The following USP10 variants were observed in gnomAD, a reference collection of about 807,000 sequenced individuals.
USP10 encodes the protein ubiquitin specific peptidase 10, also known as ubiquitin carboxyl-terminal hydrolase 10.
In USP10, 22 loss-of-function variants were observed where a neutral mutation model predicts 84.5. The observed-to-expected ratio is 0.26, with a 90% CI of 0.19 to 0.37. The LOEUF (loss-of-function observed/expected upper bound fraction) is 0.37. Among genes scored for constraint, USP10 ranks in the 10% least tolerant of loss-of-function variants. The pLI is 1.00. For missense variants in USP10, 1,019 were observed against 998.9 expected (o/e 1.02, Z -0.27); for synonymous variants, 454 against 387.6 (o/e 1.17, Z -2.01).
At chr16:84,757,399 GGGGGTGTGTGTGT>G (rs1912691613) in intron 4 of USP10, among the ~76,000 whole-genome samples, 30 of 70,434 alleles carry the variant, frequency 4.3e-4, no homozygotes, top group Admixed American at 9.7e-4. Context: ...TGAGAGGGGT[GGGGGTGTGTGTGT>G]GTGTGTGTGT....
chr16:84,737,262 G>T (rs1477412161), intron 2 of USP10, among the ~76,000 whole-genome samples: 1 of 152,226 alleles, frequency 6.6e-6, no homozygotes, highest in South Asian at 2.1e-4. Context: ...CACACTGTGC[G>T]TTTAGCATAA....
chr16:84,715,156 C>T (rs1031717717), intron 1 of USP10, among the ~76,000 whole-genome samples: 3 of 152,128 alleles, frequency 2.0e-5, no homozygotes, highest in African/African-American at 7.2e-5. Context: ...TCTCGACCTC[C>T]TGACCTCAAG....
chr16:84,745,016 G>T lies in USP10; in HGVS notation c.535G>T (p.Gly179Cys). 3 of 1,613,838 alleles carry T rather than the reference G, an allele frequency of 1.9e-6. No individual in the cohort carries two copies. Among genetic ancestry groups the T allele is most frequent in the Non-Finnish European group, 2.5e-6 (3 of 1,179,726 alleles). ...DSISTEALVN[G>C]HANSAVPNSV... The stretch of plus-strand genomic sequence containing the variant: ...TATCTCCACAGAAGCCCTGGTCAAT[G>T]GCCATGCCAATTCAGCAGTCCCGAA... The change falls in exon 4 of 14, where the codon GGC becomes TGC. Residue 179 changes from glycine to cysteine, a missense_variant. Around this residue, in one of 2 missense-constraint regions of USP10, gnomAD observed 787 missense variants for 708.8 expected, o/e 1.11. Coordinates refer to ENST00000219473, the MANE Select transcript of USP10 (RefSeq NM_005153.3).
In USP10 at chr16:84,744,987, A is replaced by G. The variant is rs1276715289; in HGVS notation, c.506A>G (p.Asp169Gly). The change falls in exon 4 of 14, where the codon GAT becomes GGT. Residue 169 changes from aspartate to glycine, a missense_variant. Around this residue, in one of 2 missense-constraint regions of USP10, gnomAD observed 787 missense variants for 708.8 expected, o/e 1.11. Coordinates refer to ENST00000219473, the MANE Select transcript of USP10 (RefSeq NM_005153.3). ...YYSYLKDGGDDSISTEALVNG... is the reference protein window; with the variant it reads ...YYSYLKDGGDGSISTEALVNG... ...AGCTATTTGAAAGATGGTGGCGATGATAGTATCTCCACAGAAGCCCTGGTC... is the reference window on the plus strand; with the variant it reads ...AGCTATTTGAAAGATGGTGGCGATGGTAGTATCTCCACAGAAGCCCTGGTC... 41 of 1,613,728 alleles carry G rather than the reference A, an allele frequency of 2.5e-5. No individual in the cohort carries two copies. Among genetic ancestry groups the G allele is most frequent in the African/African-American group, 2.7e-5 (2 of 74,936 alleles).
intron 11 of USP10, 126 bp from the exon 12 acceptor site, chr16:84,772,415 T>C (rs1914550236): frequency 1.5e-6 from 2 of 1,326,138 alleles, no homozygotes; most frequent in African/African-American, 1.5e-5. Context: ...GGAAAAGCCA[T>C]GAAGTCCTGC....
chr16:84,748,153 CAAAAAAAAAA>C (rs1169089505), intron 4 of USP10, among the ~76,000 whole-genome samples: 17 of 51,166 alleles, frequency 3.3e-4, no homozygotes, highest in African/African-American at 1.1e-3. Flanking sequence ...GACTCCATCT[CAAAAAAAAAA>C]AAAAAAAAAA....
chr16:84,768,234 T>C lies in USP10; in HGVS notation c.1874T>C (p.Leu625Ser). 1.9e-6 allele frequency: 3 copies of C among 1,601,740 alleles called. No individual in the cohort carries two copies. Among genetic ancestry groups the C allele is most frequent in the Non-Finnish European group, 2.6e-6 (3 of 1,173,344 alleles). ...CAGAGTTCAAAAGAATCTGCCACTT[T>C]GCAGCCATTTTTCACGTTGCAGTTG... ...YQQSSKESATLQPFFTLQLDI... is the reference protein window; with the variant it reads ...YQQSSKESATSQPFFTLQLDI... The change falls in exon 11 of 14, where the codon TTG becomes TCG. Residue 625 changes from leucine (L) to serine (S), a missense_variant. This residue lies in a region of USP10 where 232 missense variants were observed against 290.1 expected (regional missense o/e 0.80). Transcript: ENST00000219473.
intron 4 of USP10, among the ~76,000 whole-genome samples, chr16:84,750,631 C>T (rs1179357584): frequency 6.6e-6 from 1 of 152,168 alleles, no homozygotes; most frequent in Non-Finnish European, 1.5e-5. Context: ...AAGGAACATT[C>T]CTCATATACT....
At chr16:84,717,848 G>A (rs1222163787) in intron 1 of USP10, among the ~76,000 whole-genome samples, 1 of 152,170 alleles carries the variant, frequency 6.6e-6, no homozygotes, top group Admixed American at 6.5e-5. Context: ...TTACTGTAAT[G>A]CTTAATTTAA....
chr16:84,777,937 G>T (rs1915183360), intron 13 of USP10, among the ~76,000 whole-genome samples: 1 of 152,234 alleles, frequency 6.6e-6, no homozygotes, highest in Non-Finnish European at 1.5e-5. Context: ...GGTGTCTGCT[G>T]CTGGCCAGGC....
At chr16:84,762,910 A>T in intron 8 of USP10, 79 bp from the exon 9 acceptor site, 1 of 789,288 alleles carries the variant, frequency 1.3e-6, no homozygotes, top group African/African-American at 1.7e-5. Context: ...GCATGGTTGG[A>T]CTTTGCAAGT....
At chr16:84,759,806 A>T in intron 6 of USP10, 85 bp from the exon 7 acceptor site, 1 of 1,340,588 alleles carries the variant, frequency 7.5e-7, no homozygotes, top group Non-Finnish European at 1.1e-6. Context: ...CGTATAGCTG[A>T]TATTCTACTT....
At chr16:84,777,968 C>T (rs979685662) in intron 13 of USP10, among the ~76,000 whole-genome samples, 1 of 152,200 alleles carries the variant, frequency 6.6e-6, no homozygotes, top group African/African-American at 2.4e-5. Context: ...CCCTCTGCTC[C>T]ATAGAAGTGG....
rs1184680914 is a variant in USP10, at chr16:84,778,883, G to A, written c.2210-12G>A. ...CTGTTCTCACTCTGCTGCCTGCTGGGCTCTCTTCCAGTGGTCTACCATCAC... is the reference window on the plus strand; with the variant it reads ...CTGTTCTCACTCTGCTGCCTGCTGGACTCTCTTCCAGTGGTCTACCATCAC... On this transcript the variant is annotated splice_polypyrimidine_tract_variant and intron_variant, in intron 13 of 13. Transcript: ENST00000219473. 2.2e-5 allele frequency: 36 copies of A among 1,610,288 alleles called. No homozygotes were observed. Among genetic ancestry groups the A allele is most frequent in the Non-Finnish European group, 2.9e-5 (34 of 1,177,700 alleles).
At chr16:84,759,975 A>C in intron 7 of USP10, 29 bp downstream of exon 7, 2 of 1,611,226 alleles carry the variant, frequency 1.2e-6, no homozygotes, top group Non-Finnish European at 1.7e-6. Flanking sequence ...TGTTGATGCT[A>C]TTACATATTG....
At chr16:84,748,715 GT>G (rs1407983298) in intron 4 of USP10, among the ~76,000 whole-genome samples, 4 of 152,136 alleles carry the variant, frequency 2.6e-5, no homozygotes, top group African/African-American at 9.7e-5. Flanking sequence ...CATTTAAAAT[GT>G]TTTAGAACAT....
Position 84,772,616 on chromosome 16 carries a change from G to A in USP10, c.2074G>A (p.Glu692Lys), listed in dbSNP as rs772458989. The A allele has an allele frequency of 6.2e-7, 1 of 1,613,902 alleles. No homozygotes were observed. Among genetic ancestry groups the A allele is most frequent in the African/African-American group, 1.3e-5 (1 of 74,928 alleles). ...LVLHLKRFVY[E>K]KTGGCQKLIK... ...GCTGCACCTGAAACGATTCGTTTATGAGAAGACTGGTGGGTGCCAGAAGCT... is the reference window on the plus strand; with the variant it reads ...GCTGCACCTGAAACGATTCGTTTATAAGAAGACTGGTGGGTGCCAGAAGCT... Residue 692 changes from glutamate (E) to lysine (K), a missense_variant, in exon 12 of 14, where the codon GAG (glutamate) becomes AAG (lysine). Around this residue, in one of 2 missense-constraint regions of USP10, gnomAD observed 232 missense variants for 290.1 expected, o/e 0.80. Transcript: ENST00000219473.
chr16:84,747,856 C>T (rs1265060096), intron 4 of USP10, among the ~76,000 whole-genome samples: 4 of 151,860 alleles, frequency 2.6e-5, no homozygotes, highest in East Asian at 1.9e-4. Context: ...TGTGGGCCAC[C>T]GCACTCAGGC....
chr16:84,713,136 T>C (rs1184988805), intron 1 of USP10, among the ~76,000 whole-genome samples: 1 of 152,228 alleles, frequency 6.6e-6, no homozygotes, highest in East Asian at 1.9e-4. Flanking sequence ...ACAGTTAGTT[T>C]ATCTTTCCCC....
Sources: allele counts gnomAD v4.1 joint callset (sites outside exome capture counted in the v4.1 genomes callset), GRCh38; gene constraint gnomAD v4.1.1; regional missense constraint gnomAD v4.1.1; transcripts MANE v1.5; gene names NCBI Gene and HGNC (gene_info 2026-07-23, HGNC 2026-07-21).